MRGPRF: variants seen among roughly 807,000 people sequenced by gnomAD.
The protein encoded by MRGPRF is mas-related G protein-coupled receptor member F.
A neutral mutation model predicts 3.3 loss-of-function variants in MRGPRF; 2 were observed. That is an observed-to-expected ratio of 0.61 (90% confidence interval 0.25 to 1.92). The LOEUF (loss-of-function observed/expected upper bound fraction) is 1.92. Ranked by LOEUF, MRGPRF falls within the 40% of genes most tolerant of loss-of-function variation. The probability of loss-of-function intolerance (pLI) is 0.16; values close to 1 mark genes in which losing one functional copy is unlikely to be tolerated. For missense variants in MRGPRF, 500 were observed against 476.0 expected, an observed-to-expected ratio of 1.05 and a Z score of -0.47; for synonymous variants, 242 against 222.7, an observed-to-expected ratio of 1.09 and a Z score of -0.77.
chr11:69,005,036 G>A lies in MRGPRF; in HGVS notation c.*242C>T. 2.0e-6 allele frequency: 1 copy of A among 506,446 alleles called. No individual in the cohort carries two copies. The highest frequency in any genetic ancestry group is 2.0e-5 in the African/African-American group (1 of 50,888). 31.4% of individuals were successfully genotyped at this position (506,446 alleles called of 1,614,324 possible). On this transcript the variant is annotated 3_prime_UTR_variant, in exon 3 of 3. Transcript: ENST00000309099. ...CCACCTGGGGGCAACTTCTGTACAA[G>A]AGGTCTCTAGGGGAGCAGAATGGGT...
intron 2 of MRGPRF, among the ~76,000 whole-genome samples, chr11:69,008,886 C>A (rs1208941369): frequency 6.6e-6 from 1 of 152,244 alleles, no homozygotes; most frequent in African/African-American, 2.4e-5. Context: ...AGTCTGCAAT[C>A]CCCTCCTTGG....
intron 2 of MRGPRF, among the ~76,000 whole-genome samples, chr11:69,006,671 G>C (rs1860498327): frequency 2.1e-5 from 3 of 143,292 alleles, no homozygotes. Flanking sequence ...CACCAGGCTG[G>C]AGCGTGCAGT....
At chr11:69,011,867 G>A (rs936481001) in intron 1 of MRGPRF, among the ~76,000 whole-genome samples, 2 of 152,156 alleles carry the variant, frequency 1.3e-5, no homozygotes, top group Non-Finnish European at 2.9e-5. Flanking sequence ...GCAGTGGGCT[G>A]GGCTCCCCCC....
chr11:69,007,041 G>A (rs561799180), intron 2 of MRGPRF, among the ~76,000 whole-genome samples: 3 of 152,362 alleles, frequency 2.0e-5, no homozygotes, highest in East Asian at 1.9e-4. Flanking sequence ...CTGGGGAAAT[G>A]TGAGTATGGA....
rs1566470090 is a variant in MRGPRF at position 69,006,188 on chromosome 11, A to G, written c.122T>C (p.Leu41Pro). The part of the protein sequence containing the change: ...GFLTIEQIAM[L>P]PPPAVMNYIF... Reference sequence around the variant, plus strand: ...GTAGTTCATGACGGCCGGAGGCGGCAGCATCGCGATCTGCTCGATGGTCAG... The same window carrying G: ...GTAGTTCATGACGGCCGGAGGCGGCGGCATCGCGATCTGCTCGATGGTCAG... Residue 41 changes from leucine to proline, a missense_variant, in exon 3 of 3, where the codon CTG becomes CCG. Leu to Pro is a moderately conservative substitution (Grantham distance 98). Transcript: ENST00000309099. 2.5e-6 allele frequency: 4 copies of G among 1,613,910 alleles called. No homozygotes were observed. Among genetic ancestry groups the G allele is most frequent in the Non-Finnish European group, 3.4e-6 (4 of 1,180,036 alleles).
chr11:69,007,554 A>C (rs1478955374), intron 2 of MRGPRF, among the ~76,000 whole-genome samples: 1 of 152,250 alleles, frequency 6.6e-6, no homozygotes, highest in East Asian at 1.9e-4. Flanking sequence ...CCTATCTGTC[A>C]AGAGATAGAG....
intron 1 of MRGPRF, among the ~76,000 whole-genome samples, chr11:69,010,430 G>A (rs192592560): frequency 1.1e-4 from 17 of 152,304 alleles, no homozygotes; most frequent in Admixed American, 5.9e-4. Context: ...CTGAGCCGCG[G>A]TTTGTAACAT....
chr11:69,007,530 T>C (rs975433852), intron 2 of MRGPRF, among the ~76,000 whole-genome samples: 5 of 152,142 alleles, frequency 3.3e-5, no homozygotes, highest in Admixed American at 2.6e-4. Flanking sequence ...TTCAAATCAT[T>C]CTGGGAAAAA....
In MRGPRF at chr11:69,005,656, C is replaced by G; in HGVS notation, c.654G>C (p.Leu218=). The stretch of plus-strand genomic sequence containing the variant: ...GGCACTCCACGTGCAGGATGAGGGC[C>G]AGGCAGGGCAGCACCATGAGCGGGC... ...LCCPLMVLPC[L]ALILHVECRA... Residue 218 remains leucine, a synonymous_variant, in exon 3 of 3, where the codon CTG becomes CTC. Coordinates refer to ENST00000309099, the MANE Select transcript of MRGPRF (RefSeq NM_145015.5). The G allele has an allele frequency of 6.4e-7, 1 of 1,552,082 alleles. No individual in the cohort carries two copies. The highest frequency in any genetic ancestry group is 8.7e-7 in the Non-Finnish European group (1 of 1,147,634).
chr11:69,008,477 G>GT (rs1860531092), intron 2 of MRGPRF, among the ~76,000 whole-genome samples: 1 of 152,156 alleles, frequency 6.6e-6, no homozygotes, highest in African/African-American at 2.4e-5. Context: ...CTGTTCTCTG[G>GT]GTTGGACACC....
Position 69,009,876 on chromosome 11 carries a change from G to T in MRGPRF, c.26C>A (p.Ala9Asp), listed in dbSNP as rs1481774308. ...TACCTTGTTCCTGTTGCCGGGATGG[G>T]CCTCCCAGGAGCAGTTTCCAGCCAT... Reference protein sequence around the residue: MAGNCSWEAHPGNRNKMCP... With the variant: MAGNCSWEDHPGNRNKMCP... The change falls in exon 2 of 3, where the codon GCC (alanine) becomes GAC (aspartate). Residue 9 changes from alanine (A) to aspartate (D), a missense_variant. Coordinates refer to ENST00000309099, the MANE Select transcript of MRGPRF (RefSeq NM_145015.5). 1.2e-6 allele frequency: 2 copies of T among 1,609,536 alleles called. No individual in the cohort carries two copies. The highest frequency in any genetic ancestry group is 8.5e-7 in the Non-Finnish European group (1 of 1,179,716).
At chr11:69,012,631 A>T (rs112997947) in intron 1 of MRGPRF, 1 of 152,236 alleles carries the variant, frequency 6.6e-6, no homozygotes, top group Non-Finnish European at 1.5e-5. Flanking sequence ...AGGGGGAGCC[A>T]TCTCCCTGTG....
At position 69,005,022 on chromosome 11, in the gene MRGPRF, C is replaced by T; in HGVS notation, c.*256G>A. 1 of 448,128 alleles carries T rather than the reference C, an allele frequency of 2.2e-6. No individual in the cohort carries two copies. The highest frequency in any genetic ancestry group is 3.8e-5 in the East Asian group (1 of 26,278). The allele number at this position is 448,128 out of a possible 1,614,324, so 27.8% of individuals were successfully genotyped here. On this transcript the variant is annotated 3_prime_UTR_variant, in exon 3 of 3. Coordinates refer to ENST00000309099, the MANE Select transcript of MRGPRF (RefSeq NM_145015.5). The stretch of plus-strand genomic sequence containing the variant: ...AAGGAGGGGCCCCACCACCTGGGGG[C>T]AACTTCTGTACAAGAGGTCTCTAGG...
At position 69,005,922 on chromosome 11, in the gene MRGPRF, C is replaced by T. The variant is rs199966234; in HGVS notation, c.388G>A (p.Gly130Ser). Residue 130 changes from glycine to serine, a missense_variant, in exon 3 of 3, where the codon GGC (glycine) becomes AGC (serine). Coordinates refer to ENST00000309099, the MANE Select transcript of MRGPRF (RefSeq NM_145015.5). ...RVLGLCMFLT[G>S]VSLLPAVSAE... is the part of the protein sequence containing the mutation. ...CTGACGGCCGGCAGGAGGCTCACGCCGGTAAGGAACATGCAGAGCCCCAGG... is the reference window on the plus strand; with the variant it reads ...CTGACGGCCGGCAGGAGGCTCACGCTGGTAAGGAACATGCAGAGCCCCAGG... 239 of 1,574,212 alleles carry T rather than the reference C, an allele frequency of 1.5e-4. No individual in the cohort carries two copies. The highest frequency in any genetic ancestry group is 2.1e-4 in the Admixed American group (11 of 52,948).
Position 69,005,477 on chromosome 11 carries a change from AG to A in MRGPRF, c.832del (p.Leu278CysfsTer145). The A allele has an allele frequency of 6.3e-7, 1 of 1,587,040 alleles. No homozygotes were observed. The highest frequency in any genetic ancestry group is 8.6e-7 in the Non-Finnish European group (1 of 1,166,746). On this transcript the variant is annotated frameshift_variant, in exon 3 of 3. Transcript: ENST00000309099. LOFTEE classifies it high-confidence loss of function. ...PAPFPEYVTD[L>X]CICINSSAKP... ...GGCGCTGCTGTTGATGCAGATGCACAGGTCAGTGACGTACTCGGGGAAGGGG... is the reference window on the plus strand; with the variant it reads ...GGCGCTGCTGTTGATGCAGATGCACAGTCAGTGACGTACTCGGGGAAGGGG...
At chr11:69,010,846 C>T (rs1860580585) in intron 1 of MRGPRF, among the ~76,000 whole-genome samples, 1 of 152,128 alleles carries the variant, frequency 6.6e-6, no homozygotes, top group African/African-American at 2.4e-5. Context: ...GCCTTGGGTC[C>T]TCTGGAATTG....
chr11:69,011,591 G>A (rs948045740), intron 1 of MRGPRF, among the ~76,000 whole-genome samples: 4 of 152,242 alleles, frequency 2.6e-5, no homozygotes, highest in East Asian at 1.9e-4. Context: ...CAGACAGGCC[G>A]TAACTTCTCC....
intron 2 of MRGPRF, chr11:69,009,516 G>A (rs1860550835): frequency 6.9e-6 from 4 of 580,566 alleles, no homozygotes; most frequent in Admixed American, 3.2e-5. Context: ...TTCCTGGCCC[G>A]CCTGGCTGTA....
At position 69,005,911 on chromosome 11, in the gene MRGPRF, GAGGC is replaced by G; in HGVS notation, c.395_398del (p.Ser132ThrfsTer123). On this transcript the variant is annotated frameshift_variant, in exon 3 of 3. Transcript: ENST00000309099. LOFTEE classifies it low-confidence loss of function (END_TRUNC). ...AGCGCTCGGCGCTGACGGCCGGCAG[GAGGC>G]TCACGCCGGTAAGGAACATGCAGAG... 1 of 1,574,332 alleles carries G rather than the reference GAGGC, an allele frequency of 6.4e-7. No homozygotes were observed.
Sources: gnomAD v4.1 joint callset for allele counts (sites outside exome capture counted in the v4.1 genomes callset) on GRCh38, gnomAD v4.1.1 for gene constraint, MANE v1.5 for transcripts, NCBI Gene and HGNC (gene_info 2026-07-23, HGNC 2026-07-21) for gene names.